The following TDRD3 variants were observed in gnomAD, a reference collection of about 807,000 sequenced individuals.
TDRD3 encodes tudor domain containing 3, also known as tudor domain-containing protein 3.
A neutral mutation model predicts 86.7 loss-of-function variants in TDRD3; 45 were observed. That is an observed-to-expected ratio of 0.52 (90% CI 0.41 to 0.67). TDRD3 has a LOEUF of 0.67. Ranked by LOEUF, TDRD3 falls within the 30% of genes least tolerant of loss-of-function variation. The pLI, the probability that TDRD3 is intolerant of heterozygous loss-of-function variation, is 0.00. For synonymous variants in TDRD3, 298 were observed against 301.7 expected (o/e 0.99, Z 0.13); for missense variants, 814 against 889.0 (o/e 0.92, Z 1.07).
intron 5 of TDRD3, among the ~76,000 whole-genome samples, chr13:60,475,619 G>A (rs1040898084): frequency 4.6e-5 from 7 of 152,156 alleles, no homozygotes; most frequent in Non-Finnish European, 8.8e-5. Context: ...AGGAATCTCC[G>A]AACTGTTTTC....
chr13:60,568,109 T>C (rs188239525), intron 13 of TDRD3, among the ~76,000 whole-genome samples: 3 of 152,290 alleles, frequency 2.0e-5, no homozygotes, highest in Admixed American at 2.0e-4. Context: ...TCCTAGAATG[T>C]GATATGTCTT....
chr13:60,404,913 C>T (rs558476218), intron 1 of TDRD3, among the ~76,000 whole-genome samples: 6 of 152,280 alleles, frequency 3.9e-5, no homozygotes, highest in Non-Finnish European at 7.4e-5. Context: ...CCATGCTGTT[C>T]TCGTGATAGT....
At chr13:60,528,343 A>G in intron 10 of TDRD3, 24 bp from the exon 11 acceptor site, 1 of 1,556,908 alleles carries the variant, frequency 6.4e-7, no homozygotes, top group Non-Finnish European at 8.7e-7. Flanking sequence ...CTTAATTTGC[A>G]TATGGTATAC....
rs117385472 is a variant in TDRD3, at chr13:60,402,335, A to G, written c.41+4930A>G. On this transcript the variant is annotated intron_variant, in intron 1 of 13. Coordinates refer to ENST00000377881, the MANE Select transcript of TDRD3 (RefSeq NM_001146070.2). ...GCAGCATCAGTACAACCTCTGCAGT[A>G]GCAGTAATGTAATTATACCTTCTTA... 1.2e-3 allele frequency among the ~76,000 whole-genome samples: 176 copies of G among 152,340 alleles called. 2 individuals are homozygous for G. In the East Asian group the frequency reaches 0.017, roughly 15 times the overall value.
At chr13:60,454,667 G>A (rs1410998018) in intron 3 of TDRD3, among the ~76,000 whole-genome samples, 1 of 152,136 alleles carries the variant, frequency 6.6e-6, no homozygotes, top group African/African-American at 2.4e-5. Flanking sequence ...ACTCTTAGTT[G>A]CAGTGTTGTT....
chr13:60,473,636 A>C (rs1956117196), intron 5 of TDRD3, among the ~76,000 whole-genome samples: 2 of 152,162 alleles, frequency 1.3e-5, no homozygotes, highest in East Asian at 1.9e-4. Context: ...TATTATAATA[A>C]TTTTTGTTTT....
chr13:60,423,892 AGAAAG>A (rs993093590), intron 1 of TDRD3, among the ~76,000 whole-genome samples: 7 of 152,206 alleles, frequency 4.6e-5, no homozygotes, highest in African/African-American at 1.7e-4. Flanking sequence ...GTAAGTCAAA[AGAAAG>A]GAAGAAAAAT....
intron 12 of TDRD3, among the ~76,000 whole-genome samples, chr13:60,553,312 AT>A (rs1319541639): frequency 2.0e-5 from 3 of 152,156 alleles, no homozygotes; most frequent in Non-Finnish European, 4.4e-5. Flanking sequence ...CACTATCAGC[AT>A]TTTGGTCAAC....
Position 60,501,437 on chromosome 13 carries a change from A to G in TDRD3, c.858+6862A>G, listed in dbSNP as rs368376514. Among the ~76,000 whole-genome samples, 6 of 152,232 alleles carry G rather than the reference A, an allele frequency of 3.9e-5. No individual in the cohort carries two copies. In the East Asian group the frequency reaches 7.7e-4, roughly 20 times the overall value. ...TGCCTCCACCAGATGTTGCTGAAAC[A>G]CTAATATAAATGGAACATTCCTTTT... On this transcript the variant is annotated intron_variant, in intron 8 of 13. Transcript: ENST00000377881.
intron 3 of TDRD3, among the ~76,000 whole-genome samples, chr13:60,453,807 A>C (rs1275888022): frequency 6.6e-6 from 1 of 152,196 alleles, no homozygotes; most frequent in Non-Finnish European, 1.5e-5. Flanking sequence ...GAATAAATTA[A>C]AAATACGGCA....
intron 10 of TDRD3, among the ~76,000 whole-genome samples, chr13:60,522,083 A>G (rs1566268566): frequency 6.6e-6 from 1 of 152,082 alleles, no homozygotes; most frequent in African/African-American, 2.4e-5. Flanking sequence ...AATATAGAAA[A>G]AAATTAAAGG....
chr13:60,547,225 T>C, intron 12 of TDRD3: 1 of 985,368 alleles, frequency 1.0e-6, no homozygotes, highest in Non-Finnish European at 1.2e-6. Context: ...TCACCACTTT[T>C]GCCATTCTTG....
intron 3 of TDRD3, among the ~76,000 whole-genome samples, chr13:60,447,080 T>C (rs1014355023): frequency 6.6e-6 from 1 of 152,224 alleles, no homozygotes; most frequent in African/African-American, 2.4e-5. Flanking sequence ...ATTTTCTAGT[T>C]TTCTTTTTAT....
chr13:60,439,770 A>G lies in TDRD3; in HGVS notation c.124A>G (p.Asn42Asp). ...AAATGACATCATCCTGATTGCTCTCAATGTAGGTTATATTTATTAACTTGT... is the reference window on the plus strand; with the variant it reads ...AAATGACATCATCCTGATTGCTCTCGATGTAGGTTATATTTATTAACTTGT... ...NVNDIILIAL[N>D]TDLRTIGKKF... Residue 42 changes from asparagine to aspartate, a missense_variant and splice_region_variant, in exon 2 of 14, where the codon AAT becomes GAT. Asn to Asp is a conservative substitution (Grantham distance 23). Coordinates refer to ENST00000377881, the MANE Select transcript of TDRD3 (RefSeq NM_001146070.2). 1 of 1,521,216 alleles carries G rather than the reference A, an allele frequency of 6.6e-7. No individual in the cohort carries two copies. The highest frequency in any genetic ancestry group is 8.8e-7 in the Non-Finnish European group (1 of 1,134,966). 94.2% of individuals were successfully genotyped at this position (1,521,216 alleles called of 1,614,324 possible). A position where few individuals can be genotyped will look rare whatever the true frequency, so the allele number is the denominator to read the frequency against.
At chr13:60,455,419 A>G (rs1955643752) in intron 3 of TDRD3, among the ~76,000 whole-genome samples, 1 of 152,174 alleles carries the variant, frequency 6.6e-6, no homozygotes, top group African/African-American at 2.4e-5. Context: ...GCCTTAAGGT[A>G]AAGATGTGAA....
intron 12 of TDRD3, among the ~76,000 whole-genome samples, chr13:60,561,402 G>A (rs1315454683): frequency 6.7e-6 from 1 of 149,914 alleles, no homozygotes; most frequent in East Asian, 1.9e-4. Context: ...AGTAGCAAAG[G>A]TTGAAGTAGG....
chr13:60,568,276 G>A (rs1958510287), intron 13 of TDRD3, among the ~76,000 whole-genome samples: 1 of 152,168 alleles, frequency 6.6e-6, no homozygotes, highest in Non-Finnish European at 1.5e-5. Flanking sequence ...ACTGTAGCCA[G>A]CCAATGTAGC....
chr13:60,435,565 C>G (rs940764823), intron 1 of TDRD3, among the ~76,000 whole-genome samples: 5 of 152,174 alleles, frequency 3.3e-5, no homozygotes, highest in Admixed American at 2.0e-4. Flanking sequence ...ATAATGGCCT[C>G]CAGCTCCATC....
intron 1 of TDRD3, among the ~76,000 whole-genome samples, chr13:60,400,646 GAGA>G (rs1352722125): frequency 4.6e-5 from 7 of 151,902 alleles, no homozygotes; most frequent in Non-Finnish European, 7.4e-5. Context: ...GCTGAGGCAG[GAGA>G]ATCGCTTGAA....
Sources: gnomAD v4.1 joint callset for allele counts (sites outside exome capture counted in the v4.1 genomes callset) on GRCh38, gnomAD v4.1.1 for gene constraint, MANE v1.5 for transcripts, NCBI Gene and HGNC (gene_info 2026-07-23, HGNC 2026-07-21) for gene names.